The following NELL1 variants were observed in gnomAD, a reference collection of about 807,000 sequenced individuals.
NELL1 encodes protein kinase C-binding protein NELL1.
NELL1 carries 76 observed loss-of-function variants against 107.4 expected under a neutral mutation model. That is an observed-to-expected ratio of 0.71 (90% CI 0.59 to 0.86). NELL1 has a LOEUF of 0.86. Among genes scored for constraint, NELL1 ranks in the 40% least tolerant of loss-of-function variants. The pLI is 0.00. For synonymous variants in NELL1, 353 were observed against 341.2 expected (o/e 1.03, Z -0.38); for missense variants, 1,024 against 1,005.5 (o/e 1.02, Z -0.25).
chr11:21,337,739 T>TC (rs1491439769), intron 14 of NELL1, among the ~76,000 whole-genome samples: 4 of 61,074 alleles, frequency 6.5e-5, no homozygotes, highest in Admixed American at 1.6e-4. Context: ...TTCTTTCCTT[T>TC]CTTTCTTTCT....
chr11:20,676,591 T>G (rs1214146116), intron 1 of NELL1, among the ~76,000 whole-genome samples: 1 of 152,204 alleles, frequency 6.6e-6, no homozygotes, highest in East Asian at 1.9e-4. Context: ...CGGTTTCAGC[T>G]CTAAAGAGGC....
intron 5 of NELL1, among the ~76,000 whole-genome samples, chr11:20,915,716 TA>T (rs199684428): frequency 0.01 from 783 of 76,222 alleles, 25 homozygotes; most frequent in African/African-American, 0.037. Context: ...TATATATATA[TA>T]TTTTTTTTTT....
At chr11:21,014,009 C>T (rs1852509706) in intron 12 of NELL1, among the ~76,000 whole-genome samples, 1 of 152,012 alleles carries the variant, frequency 6.6e-6, no homozygotes, top group Admixed American at 6.6e-5. Flanking sequence ...AGGAGGAAGA[C>T]TCATTGATAT....
At chr11:21,200,511 T>G (rs1354836283) in intron 13 of NELL1, among the ~76,000 whole-genome samples, 1 of 152,186 alleles carries the variant, frequency 6.6e-6, no homozygotes, top group Non-Finnish European at 1.5e-5. Flanking sequence ...TTGTTGAAGT[T>G]CTTTATAGAT....
intron 14 of NELL1, among the ~76,000 whole-genome samples, chr11:21,236,822 C>T (rs568616211): frequency 5.8e-4 from 89 of 152,202 alleles, no homozygotes; most frequent in South Asian, 4.6e-3. Context: ...ACATGGGGGA[C>T]ATGACAAGTT....
At chr11:21,326,069 T>TGG (rs1850128331) in intron 14 of NELL1, among the ~76,000 whole-genome samples, 1 of 115,798 alleles carries the variant, frequency 8.6e-6, no homozygotes, top group African/African-American at 3.3e-5. Context: ...TTTTTTTTTT[T>TGG]TTTTTTTTTT....
intron 14 of NELL1, among the ~76,000 whole-genome samples, chr11:21,290,409 A>AAATAAATAGATAAATAAATAAAT (rs1849227033): frequency 6.6e-6 from 1 of 150,518 alleles, no homozygotes; most frequent in African/African-American, 2.4e-5. Flanking sequence ...ATAAATAAAT[A>AAATAAATAGATAAATAAATAAAT]AATAAATAAA....
chr11:20,683,303 TTC>T (rs1854232879), intron 2 of NELL1, among the ~76,000 whole-genome samples: 1 of 152,114 alleles, frequency 6.6e-6, no homozygotes, highest in South Asian at 2.1e-4. Flanking sequence ...CTCATGTAGT[TTC>T]TTTTTTTCCC....
At chr11:21,483,257 A>G (rs1027977319) in intron 15 of NELL1, among the ~76,000 whole-genome samples, 1 of 152,174 alleles carries the variant, frequency 6.6e-6, no homozygotes, top group Non-Finnish European at 1.5e-5. Context: ...TCAATTGCTC[A>G]ACTACCTAGA....
intron 15 of NELL1, among the ~76,000 whole-genome samples, chr11:21,422,147 G>T (rs577965288): frequency 6.6e-6 from 1 of 151,202 alleles, no homozygotes; most frequent in Non-Finnish European, 1.5e-5. Flanking sequence ...GTATGTACAC[G>T]TGCAAGAGAG....
At chr11:21,131,841 A>T (rs1303587618) in intron 13 of NELL1, among the ~76,000 whole-genome samples, 1 of 152,158 alleles carries the variant, frequency 6.6e-6, no homozygotes, top group African/African-American at 2.4e-5. Flanking sequence ...TAACTTTTGC[A>T]TACTGACTCA....
intron 12 of NELL1, among the ~76,000 whole-genome samples, chr11:20,995,212 T>C (rs1157493496): frequency 6.6e-6 from 1 of 152,150 alleles, no homozygotes; most frequent in East Asian, 1.9e-4. Context: ...TTAACTTTGC[T>C]CATCCTTTTC....
rs528084581 is a variant in NELL1 at position 20,705,077 on chromosome 11, G to A, written c.184+27017G>A. On this transcript the variant is annotated intron_variant, in intron 2 of 19. Transcript: ENST00000357134. Reference sequence around the variant, plus strand: ...AGGAAGAATCAATATCGTGAAAATGGCCATACTGCCCAAGGTGATTTACAG... The same window carrying A: ...AGGAAGAATCAATATCGTGAAAATGACCATACTGCCCAAGGTGATTTACAG... 1.4e-3 allele frequency among the ~76,000 whole-genome samples: 208 copies of A among 152,234 alleles called. 1 individual carries two copies. The highest frequency in any genetic ancestry group is 5.3e-4 in the Non-Finnish European group (36 of 68,014).
intron 16 of NELL1, among the ~76,000 whole-genome samples, chr11:21,538,625 C>T (rs1168140375): frequency 1.3e-5 from 2 of 152,076 alleles, no homozygotes; most frequent in African/African-American, 4.8e-5. Flanking sequence ...TTTGTTGGCA[C>T]TGTAGGGTAC....
Position 20,928,419 on chromosome 11 carries a change from A to G in NELL1, c.937A>G (p.Asn313Asp). Residue 313 changes from asparagine (N) to aspartate (D), a missense_variant, in exon 9 of 20, where the codon AAT becomes GAT. Physicochemically the swap from Asn to Asp is conservative, Grantham distance 23. Coordinates refer to ENST00000357134, the MANE Select transcript of NELL1 (RefSeq NM_006157.5). ...ECRRMSCPPL[N>D]CSPDSLPVHI... is the part of the protein sequence containing the mutation. ...CCGAAGGATGTCCTGTCCCCCTCTC[A>G]ATTGCTCCCCAGACTCCCTCCCAGT... 6.2e-7 allele frequency: 1 copy of G among 1,613,928 alleles called. No individual in the cohort carries two copies. The highest frequency in any genetic ancestry group is 8.5e-7 in the Non-Finnish European group (1 of 1,179,948).
intron 12 of NELL1, among the ~76,000 whole-genome samples, chr11:21,075,683 T>A (rs1166016170): frequency 6.6e-6 from 1 of 152,228 alleles, no homozygotes; most frequent in Non-Finnish European, 1.5e-5. Flanking sequence ...TATGCTCAAG[T>A]GATCCTCCTA....
In NELL1 at chr11:21,446,334, T is replaced by C. The variant is rs189323913; in HGVS notation, c.1645+75386T>C. On this transcript the variant is annotated intron_variant, in intron 15 of 19. Transcript: ENST00000357134. ...CACATATCTCTGTCTCTCTGGGATTTTTCCCTGGTGCCTTATTCAGTTCTT... is the reference window on the plus strand; with the variant it reads ...CACATATCTCTGTCTCTCTGGGATTCTTCCCTGGTGCCTTATTCAGTTCTT... 1.5e-3 allele frequency among the ~76,000 whole-genome samples: 223 copies of C among 152,282 alleles called. 2 individuals carry two copies. Among genetic ancestry groups the C allele is most frequent in the Admixed American group, 4.5e-3 (69 of 15,298 alleles).
At chr11:20,682,870 T>C (rs1854222316) in intron 2 of NELL1, among the ~76,000 whole-genome samples, 1 of 152,086 alleles carries the variant, frequency 6.6e-6, no homozygotes, top group Non-Finnish European at 1.5e-5. Context: ...TGGATTCTTT[T>C]ACTCATTATG....
At chr11:21,284,884 G>A (rs569592497) in intron 14 of NELL1, 169 of 272,742 alleles carry the variant, frequency 6.2e-4, no homozygotes, top group Non-Finnish European at 1.1e-3. Context: ...GCAGACCTTG[G>A]AGGCCAGGGT....
Sources: gnomAD v4.1 joint callset for allele counts (sites outside exome capture counted in the v4.1 genomes callset) on GRCh38, gnomAD v4.1.1 for gene constraint, MANE v1.5 for transcripts, NCBI Gene and HGNC (gene_info 2026-07-23, HGNC 2026-07-21) for gene names.